LHFPL2: variants seen among roughly 807,000 people sequenced by gnomAD.
LHFPL2 encodes LHFPL tetraspan subfamily member 2.
Under a neutral mutation model 17.5 loss-of-function variants are expected in LHFPL2, and 7 were observed. The observed-to-expected ratio is 0.40, with a 90% CI of 0.23 to 0.75. The LOEUF (loss-of-function observed/expected upper bound fraction) is 0.75. Ranked by LOEUF, LHFPL2 falls within the 30% of genes least tolerant of loss-of-function variation. The pLI, the probability that LHFPL2 is intolerant of heterozygous loss-of-function variation, is 0.37. For missense variants in LHFPL2, 241 were observed against 294.8 expected, an observed-to-expected ratio of 0.82 and a Z score of 1.34; for synonymous variants, 134 against 116.2, an observed-to-expected ratio of 1.15 and a Z score of -0.99.
At chr5:78,593,950 C>G (rs1743735098) in intron 2 of LHFPL2, among the ~76,000 whole-genome samples, 1 of 152,222 alleles carries the variant, frequency 6.6e-6, no homozygotes, top group South Asian at 2.1e-4. Context: ...TTCAAGGTAA[C>G]ACACACAAAA....
At chr5:78,503,057 A>G (rs890825814) in intron 4 of LHFPL2, among the ~76,000 whole-genome samples, 9 of 152,232 alleles carry the variant, frequency 5.9e-5, no homozygotes, top group Non-Finnish European at 1.2e-4. Context: ...ATCTACATAA[A>G]TGAGCTCATA....
rs1755649137 is a variant in LHFPL2, at chr5:78,527,365, T to C, written c.-185-16967A>G. Among the ~76,000 whole-genome samples the C allele has an allele frequency of 2.8e-5, 4 of 140,416 alleles. No individual in the cohort carries two copies. The South Asian group carries it at 9.1e-4, about 32-fold the overall frequency. The allele number at this position is 140,416 out of a possible 152,430, so 92.1% of individuals were successfully genotyped here. ...AAAGCTCTTAATGCTGATGAGGAGT[T>C]TTTTTTTTTTTTTTTTTTTTTCCAA... On this transcript the variant is annotated intron_variant, in intron 3 of 4. Transcript: ENST00000380345.
chr5:78,609,475 A>AG (rs1256082206), intron 2 of LHFPL2, among the ~76,000 whole-genome samples: 189 of 144,132 alleles, frequency 1.3e-3, no homozygotes, highest in African/African-American at 4.9e-3. Flanking sequence ...AAAAAAAAAA[A>AG]AGAGAGAGAG....
intron 3 of LHFPL2, among the ~76,000 whole-genome samples, chr5:78,539,141 C>T (rs973248736): frequency 8.5e-5 from 13 of 152,134 alleles, no homozygotes; most frequent in African/African-American, 3.1e-4. Context: ...AGCATCCTTC[C>T]AAAAGGGCTT....
chr5:78,517,468 T>A (rs1755326395), intron 3 of LHFPL2, among the ~76,000 whole-genome samples: 1 of 152,212 alleles, frequency 6.6e-6, no homozygotes, highest in Non-Finnish European at 1.5e-5. Context: ...ATGCTGCTAA[T>A]AAAGACATAC....
Position 78,509,976 on chromosome 5 carries a change from T to G in LHFPL2, c.238A>C (p.Thr80Pro). ...NPGVQHFQRD[T>P]LCGPYAESFG... ...CTCTCGGCGTAGGGCCCGCACAGCGTGTCCCGCTGGAAGTGCTGCACCCCT... is the reference window on the plus strand; with the variant it reads ...CTCTCGGCGTAGGGCCCGCACAGCGGGTCCCGCTGGAAGTGCTGCACCCCT... The change falls in exon 4 of 5, where the codon ACG becomes CCG. Residue 80 changes from threonine (T) to proline (P), a missense_variant. Physicochemically the swap from Thr to Pro is conservative, Grantham distance 38 (BLOSUM62 -1). Transcript: ENST00000380345. 2 of 1,613,844 alleles carry G rather than the reference T, an allele frequency of 1.2e-6. No individual in the cohort carries two copies. Among genetic ancestry groups the G allele is most frequent in the Non-Finnish European group, 1.7e-6 (2 of 1,179,972 alleles).
At chr5:78,572,531 T>TACAC (rs145866779) in intron 2 of LHFPL2, among the ~76,000 whole-genome samples, 35 of 149,126 alleles carry the variant, frequency 2.3e-4, no homozygotes, top group African/African-American at 8.1e-4. Flanking sequence ...TATATATATA[T>TACAC]ACACACACAT....
intron 3 of LHFPL2, among the ~76,000 whole-genome samples, chr5:78,516,205 T>C (rs180752412): frequency 3.0e-4 from 46 of 151,840 alleles, no homozygotes; most frequent in African/African-American, 1.0e-3. Flanking sequence ...CTTGATTATA[T>C]TTAAGAGGAC....
intron 3 of LHFPL2, among the ~76,000 whole-genome samples, chr5:78,521,473 A>G (rs1252888005): frequency 6.6e-6 from 1 of 152,260 alleles, no homozygotes; most frequent in Non-Finnish European, 1.5e-5. Flanking sequence ...ACATTAATTT[A>G]AAGTGATTTG....
At chr5:78,493,825 C>T (rs529736572) in intron 4 of LHFPL2, among the ~76,000 whole-genome samples, 8 of 152,292 alleles carry the variant, frequency 5.3e-5, no homozygotes, top group African/African-American at 1.9e-4. Flanking sequence ...TCAATAACTT[C>T]TTCAATGGGC....
intron 3 of LHFPL2, among the ~76,000 whole-genome samples, chr5:78,558,752 C>G (rs1286984054): frequency 1.3e-5 from 2 of 152,234 alleles, no homozygotes; most frequent in Non-Finnish European, 2.9e-5. Context: ...TCTACCGGAA[C>G]ATGGGCACTC....
At chr5:78,612,338 T>C (rs1309967246) in intron 2 of LHFPL2, among the ~76,000 whole-genome samples, 1 of 152,232 alleles carries the variant, frequency 6.6e-6, no homozygotes, top group East Asian at 1.9e-4. Flanking sequence ...AACAAATCAG[T>C]AGTAGCAGAG....
chr5:78,532,770 C>G (rs1755824033), intron 3 of LHFPL2, among the ~76,000 whole-genome samples: 1 of 151,902 alleles, frequency 6.6e-6, no homozygotes, highest in African/African-American at 2.4e-5. Flanking sequence ...AAAACACCAG[C>G]CTTTTCACCC....
At chr5:78,588,688 G>T (rs1169916558) in intron 2 of LHFPL2, among the ~76,000 whole-genome samples, 2 of 152,118 alleles carry the variant, frequency 1.3e-5, no homozygotes, top group Non-Finnish European at 2.9e-5. Flanking sequence ...AGCCAGGCAG[G>T]GTTGATAAAA....
chr5:78,520,950 G>T (rs1054272770), intron 3 of LHFPL2, among the ~76,000 whole-genome samples: 1 of 152,168 alleles, frequency 6.6e-6, no homozygotes, highest in Non-Finnish European at 1.5e-5. Context: ...CAACTAAAAT[G>T]CTTGGAATCA....
At chr5:78,510,855 T>C (rs1755097765) in intron 3 of LHFPL2, among the ~76,000 whole-genome samples, 1 of 152,274 alleles carries the variant, frequency 6.6e-6, no homozygotes, top group Admixed American at 6.5e-5. Context: ...GTTTTGGTAC[T>C]AGGTGAGCTA....
intron 3 of LHFPL2, among the ~76,000 whole-genome samples, chr5:78,510,923 C>T (rs1755100015): frequency 1.3e-5 from 2 of 152,308 alleles, no homozygotes; most frequent in African/African-American, 4.8e-5. Context: ...AGCAACACCC[C>T]GCTTTTATTT....
intron 2 of LHFPL2, among the ~76,000 whole-genome samples, 178 bp from the exon 3 acceptor site, chr5:78,565,049 G>A (rs1017194214): frequency 4.6e-5 from 7 of 152,198 alleles, no homozygotes; most frequent in Admixed American, 3.9e-4. Context: ...ACCGACACAC[G>A]AACACAGGGT....
In LHFPL2 at chr5:78,630,111, G is replaced by A. The variant is rs115891892; in HGVS notation, c.-245+2153C>T. Among the ~76,000 whole-genome samples, 332 of 152,254 alleles carry A rather than the reference G, an allele frequency of 2.2e-3. 3 individuals are homozygous for A. The highest frequency in any genetic ancestry group is 7.3e-3 in the African/African-American group (303 of 41,554). ...ACCTCGTGAGCCCCTACATGGAGCCGGGCAGCTCAATAACTTGAGGGTTTG... is the reference window on the plus strand; with the variant it reads ...ACCTCGTGAGCCCCTACATGGAGCCAGGCAGCTCAATAACTTGAGGGTTTG... On this transcript the variant is annotated intron_variant, in intron 2 of 4. Coordinates refer to ENST00000380345, the MANE Select transcript of LHFPL2 (RefSeq NM_005779.3).
Sources: gnomAD v4.1 joint callset for allele counts (sites outside exome capture counted in the v4.1 genomes callset) on GRCh38, gnomAD v4.1.1 for gene constraint, MANE v1.5 for transcripts, NCBI Gene and HGNC (gene_info 2026-07-23, HGNC 2026-07-21) for gene names.